The following NCAM2 variants were observed in gnomAD, a reference collection of about 807,000 sequenced individuals.
NCAM2 encodes the protein neural cell adhesion molecule 2, also known as N-CAM-2.
In NCAM2, 30 loss-of-function variants were observed where a neutral mutation model predicts 98.1. The ratio of observed to expected loss-of-function variants is 0.31; its 90% CI spans 0.23 to 0.41. NCAM2 has a LOEUF of 0.41. Among genes scored for constraint, NCAM2 ranks in the 10% least tolerant of loss-of-function variants. The pLI is 1.00. For missense variants in NCAM2, 867 were observed against 1,005.8 expected (o/e 0.86, Z 1.87); for synonymous variants, 368 against 342.4 (o/e 1.07, Z -0.83).
At chr21:21,367,717 TCATTTAATCTG>T (rs2075821173) in intron 8 of NCAM2, among the ~76,000 whole-genome samples, 1 of 151,998 alleles carries the variant, frequency 6.6e-6, no homozygotes. Context: ...AAATATTCAC[TCATTTAATCTG>T]CATAGGTATC....
At chr21:21,315,921 G>C (rs2074207293) in intron 5 of NCAM2, among the ~76,000 whole-genome samples, 4 of 152,164 alleles carry the variant, frequency 2.6e-5, no homozygotes, top group Admixed American at 2.6e-4. Context: ...AATTAATCCA[G>C]AACTGGAATT....
At chr21:21,028,336 A>G (rs1403446834) in intron 1 of NCAM2, among the ~76,000 whole-genome samples, 2 of 152,242 alleles carry the variant, frequency 1.3e-5, no homozygotes, top group Non-Finnish European at 2.9e-5. Context: ...TGAACAAATA[A>G]TGTTAAAATC....
intron 9 of NCAM2, among the ~76,000 whole-genome samples, chr21:21,401,356 A>G (rs2076626540): frequency 6.6e-6 from 1 of 152,130 alleles, no homozygotes; most frequent in South Asian, 2.1e-4. Context: ...GCAATTTTTA[A>G]ACACATGATA....
At chr21:21,487,624 G>A (rs1242985212) in intron 15 of NCAM2, among the ~76,000 whole-genome samples, 1 of 152,070 alleles carries the variant, frequency 6.6e-6, no homozygotes. Context: ...GCCATTATCT[G>A]CATGTGGAAT....
chr21:21,075,529 C>T (rs371076801), intron 1 of NCAM2, among the ~76,000 whole-genome samples: 7 of 152,000 alleles, frequency 4.6e-5, no homozygotes, highest in Non-Finnish European at 8.8e-5. Flanking sequence ...ATGTATTTGC[C>T]GTGTTCTTCA....
At chr21:21,321,907 G>A (rs1029359597) in intron 5 of NCAM2, among the ~76,000 whole-genome samples, 15 of 152,160 alleles carry the variant, frequency 9.9e-5, no homozygotes, top group African/African-American at 3.6e-4. Flanking sequence ...GTAATTTTGA[G>A]ATTTTGCAAA....
intron 10 of NCAM2, among the ~76,000 whole-genome samples, chr21:21,412,746 A>G (rs778934660): frequency 1.3e-5 from 2 of 152,222 alleles, no homozygotes; most frequent in African/African-American, 2.4e-5. Flanking sequence ...TTAAATTTAA[A>G]TTCTGAATGA....
At position 21,135,235 on chromosome 21, in the gene NCAM2, G is replaced by C. The variant is rs1039369749; in HGVS notation, c.55+136617G>C. On this transcript the variant is annotated intron_variant, in intron 1 of 17. Transcript: ENST00000400546. ...CACTCCAGTCTGGGCTACAGAGTGA[G>C]ACTCCATCTCAAAAAAAAAAAAAAA... Among the ~76,000 whole-genome samples the C allele has an allele frequency of 4.6e-5, 5 of 109,180 alleles. No individual in the cohort carries two copies. In the Admixed American group the frequency reaches 5.0e-4, roughly 11 times the overall value. The allele number at this position is 109,180 out of a possible 152,430, so 71.6% of individuals were successfully genotyped here. A position where few individuals can be genotyped will look rare whatever the true frequency, so the allele number is the denominator to read the frequency against.
At chr21:21,234,876 T>C (rs1401084323) in intron 1 of NCAM2, among the ~76,000 whole-genome samples, 1 of 152,064 alleles carries the variant, frequency 6.6e-6, no homozygotes, top group African/African-American at 2.4e-5. Flanking sequence ...GTAGATTCTT[T>C]TTCAATTCAA....
intron 1 of NCAM2, among the ~76,000 whole-genome samples, chr21:21,204,463 G>A (rs1037541576): frequency 2.0e-5 from 3 of 152,004 alleles, no homozygotes; most frequent in Admixed American, 6.6e-5. Context: ...GATTTCTTTG[G>A]AAGAAAGATA....
chr21:21,385,692 C>T, intron 9 of NCAM2: 2 of 1,277,458 alleles, frequency 1.6e-6, no homozygotes, highest in African/African-American at 3.1e-5. Flanking sequence ...AACTAAACTT[C>T]CAATTTCTAA....
At chr21:21,337,805 A>G (rs1220872200) in intron 7 of NCAM2, among the ~76,000 whole-genome samples, 3 of 152,014 alleles carry the variant, frequency 2.0e-5, no homozygotes, top group Non-Finnish European at 2.9e-5. Flanking sequence ...AAATAAATCA[A>G]GTGGAATAAT....
intron 1 of NCAM2, among the ~76,000 whole-genome samples, chr21:21,109,900 A>G (rs1220989245): frequency 3.9e-5 from 6 of 152,204 alleles, no homozygotes; most frequent in Non-Finnish European, 8.8e-5. Context: ...GGCACAGGGT[A>G]TGTATTTTCT....
intron 1 of NCAM2, among the ~76,000 whole-genome samples, chr21:21,072,615 A>C (rs1280136480): frequency 6.6e-6 from 1 of 152,132 alleles, no homozygotes; most frequent in Admixed American, 6.5e-5. Context: ...AATGGATCTG[A>C]AAACGTTTCA....
chr21:21,488,767 G>A (rs1301606641), intron 15 of NCAM2, among the ~76,000 whole-genome samples: 1 of 151,502 alleles, frequency 6.6e-6, no homozygotes, highest in Non-Finnish European at 1.5e-5. Context: ...ATCAATTCTG[G>A]TATTAAACTA....
At chr21:21,018,307 C>A (rs917880505) in intron 1 of NCAM2, among the ~76,000 whole-genome samples, 3 of 152,166 alleles carry the variant, frequency 2.0e-5, no homozygotes, top group Admixed American at 6.5e-5. Context: ...TAGATAAAAT[C>A]GGCATTTGGA....
chr21:21,343,676 A>G (rs903360219), intron 8 of NCAM2, among the ~76,000 whole-genome samples: 1 of 152,178 alleles, frequency 6.6e-6, no homozygotes, highest in African/African-American at 2.4e-5. Flanking sequence ...CAGAGGGACA[A>G]TTTAAACCAG....
At chr21:21,469,833 T>TTAA (rs1984199116) in intron 14 of NCAM2, among the ~76,000 whole-genome samples, 1 of 152,028 alleles carries the variant, frequency 6.6e-6, no homozygotes, top group Non-Finnish European at 1.5e-5. Flanking sequence ...GACAAGTTTT[T>TTAA]GTCCCAGCTT....
chr21:21,526,844 A>T (rs1053353499), intron 16 of NCAM2, among the ~76,000 whole-genome samples: 11 of 152,144 alleles, frequency 7.2e-5, no homozygotes, highest in African/African-American at 2.7e-4. Context: ...GTAAACTGAC[A>T]TGTCACACAT....
Sources: allele counts gnomAD v4.1 joint callset (sites outside exome capture counted in the v4.1 genomes callset), GRCh38; gene constraint gnomAD v4.1.1; transcripts MANE v1.5; gene names NCBI Gene and HGNC (gene_info 2026-07-23, HGNC 2026-07-21).